IGBP1C: variants seen among roughly 807,000 people sequenced by gnomAD.
The protein encoded by IGBP1C is immunoglobulin-binding protein 1 family member C.
At chr17:58,680,665 G>A in the IGBP1C span, among the ~76,000 whole-genome samples, 1 of 152,004 alleles carries the variant, frequency 6.6e-6, no homozygotes, top group African/African-American at 2.4e-5. Context: ...GAACCTAGGA[G>A]ATGGAGGTTG....
the IGBP1C span, chr17:58,679,514 A>G: frequency 6.6e-6 from 1 of 152,312 alleles, no homozygotes; most frequent in East Asian, 1.9e-4. Flanking sequence ...GCCTTTTATA[A>G]ACAAGCCAGA....
the IGBP1C span, among the ~76,000 whole-genome samples, chr17:58,686,860 C>CTT: frequency 7.3e-6 from 1 of 136,778 alleles, no homozygotes; most frequent in African/African-American, 2.7e-5. Flanking sequence ...TGAAAGGTCA[C>CTT]CTTTTTTTTT....
chr17:58,682,256 GTCTT>G, the IGBP1C span, among the ~76,000 whole-genome samples: 2 of 146,100 alleles, frequency 1.4e-5, no homozygotes, highest in African/African-American at 5.0e-5. Flanking sequence ...AGGCCACAGA[GTCTT>G]TCTTTTTTTT....
the IGBP1C span, among the ~76,000 whole-genome samples, chr17:58,662,748 G>C: frequency 6.6e-6 from 1 of 152,166 alleles, no homozygotes; most frequent in Admixed American, 6.5e-5. Flanking sequence ...AGAAATATGA[G>C]AGTGACATAT....
the IGBP1C span, chr17:58,666,458 C>CAACCAA: frequency 2.7e-5 from 1 of 36,812 alleles, no homozygotes. Flanking sequence ...CCTTCCACGG[C>CAACCAA]AAAAAAAAAA....
chr17:58,687,198 T>C, the IGBP1C span, among the ~76,000 whole-genome samples: 1 of 151,954 alleles, frequency 6.6e-6, no homozygotes, highest in Non-Finnish European at 1.5e-5. Flanking sequence ...GGCACTGAGG[T>C]TATCCACTGC....
At chr17:58,688,167 C>G in the IGBP1C span, among the ~76,000 whole-genome samples, 1 of 152,134 alleles carries the variant, frequency 6.6e-6, no homozygotes, top group African/African-American at 2.4e-5. Context: ...GTCGCCCAGG[C>G]TGGAGTACAG....
At chr17:58,660,720 C>T in the IGBP1C span, 1 of 781,504 alleles carries the variant, frequency 1.3e-6, no homozygotes, top group Non-Finnish European at 2.4e-6. Flanking sequence ...TTTCTGAATT[C>T]TTCTGGTGTT....
At chr17:58,691,636 C>CA in the IGBP1C span, among the ~76,000 whole-genome samples, 2 of 135,822 alleles carry the variant, frequency 1.5e-5, no homozygotes, top group African/African-American at 5.7e-5. Flanking sequence ...CACTGCACTC[C>CA]ATCATGGGCA....
chr17:58,685,720 G>A, the IGBP1C span, among the ~76,000 whole-genome samples: 53 of 151,762 alleles, frequency 3.5e-4, no homozygotes, highest in Middle Eastern at 0.014. Context: ...GGCGAGGTGC[G>A]GTGCCTCATG....
chr17:58,681,529 GTTTTGTGAAATAAAACACAC>G, the IGBP1C span, among the ~76,000 whole-genome samples: 1 of 151,858 alleles, frequency 6.6e-6, no homozygotes, highest in Admixed American at 6.6e-5. Context: ...TCAACATTTT[GTTTTGTGAAATAAAACACAC>G]TTTGAAATCT....
chr17:58,674,491 G>A, the IGBP1C span, among the ~76,000 whole-genome samples: 1 of 151,872 alleles, frequency 6.6e-6, no homozygotes, highest in African/African-American at 2.4e-5. Context: ...CCAACGTGGC[G>A]AAACCCCGTC....
chr17:58,677,978 C>T, the IGBP1C span, among the ~76,000 whole-genome samples: 1 of 152,132 alleles, frequency 6.6e-6, no homozygotes, highest in Non-Finnish European at 1.5e-5. Context: ...GGTGAAACCC[C>T]ATCTCTACTA....
the IGBP1C span, among the ~76,000 whole-genome samples, chr17:58,682,676 C>G: frequency 1.3e-5 from 2 of 152,174 alleles, no homozygotes; most frequent in Non-Finnish European, 2.9e-5. Flanking sequence ...GCCCGGCTGC[C>G]CAGCCTACAG....
the IGBP1C span, chr17:58,660,642 G>C: frequency 5.1e-6 from 4 of 787,712 alleles, no homozygotes; most frequent in South Asian, 2.7e-5. Flanking sequence ...TCCCACTCTC[G>C]AGCTCTTTGG....
the IGBP1C span, among the ~76,000 whole-genome samples, chr17:58,680,260 G>A: frequency 2.0e-5 from 3 of 152,064 alleles, no homozygotes; most frequent in African/African-American, 4.8e-5. Flanking sequence ...ACCTGAGTAA[G>A]TTTGAAAACA....
At chr17:58,660,586 G>A in the IGBP1C span, 4 of 794,016 alleles carry the variant, frequency 5.0e-6, no homozygotes, top group Non-Finnish European at 9.3e-6. Context: ...ATTAGCCCAT[G>A]TTCTGTCGGT....
At chr17:58,661,535 T>C in the IGBP1C span, 1 of 777,264 alleles carries the variant, frequency 1.3e-6, no homozygotes, top group South Asian at 1.3e-5. Flanking sequence ...CAGAAGCTGT[T>C]TGCTGGAATC....
chr17:58,689,156 CTGATCTCG>C, the IGBP1C span, among the ~76,000 whole-genome samples: 1 of 152,170 alleles, frequency 6.6e-6, no homozygotes, highest in African/African-American at 2.4e-5. Flanking sequence ...AGTCTATCTC[CTGATCTCG>C]TGATCCGCCC....
Sources: gnomAD v4.1 joint callset for allele counts (sites outside exome capture counted in the v4.1 genomes callset) on GRCh38, gnomAD v4.1.1 for gene constraint, MANE v1.5 for transcripts, NCBI Gene and HGNC (gene_info 2026-07-23, HGNC 2026-07-21) for gene names.